SPECC1: variants seen among roughly 807,000 people sequenced by gnomAD.
SPECC1 encodes the protein cytospin-B.
In SPECC1, 62 loss-of-function variants were observed where a neutral mutation model predicts 104.1. The ratio of observed to expected loss-of-function variants is 0.60; its 90% CI spans 0.49 to 0.74. The LOEUF is 0.74. SPECC1 is among the 30% of genes least tolerant of loss of function. The probability of loss-of-function intolerance (pLI) is 0.00; values close to 1 mark genes in which losing one functional copy is unlikely to be tolerated. For synonymous variants in SPECC1, 513 were observed against 501.6 expected, an observed-to-expected ratio of 1.02 and a Z score of -0.30; for missense variants, 1,306 against 1,310.5, an observed-to-expected ratio of 1.00 and a Z score of 0.05.
intron 7 of SPECC1, among the ~76,000 whole-genome samples, chr17:20,236,418 C>T (rs540139709): frequency 6.6e-6 from 1 of 152,300 alleles, no homozygotes; most frequent in East Asian, 1.9e-4. Context: ...TGTTCTCTGA[C>T]CCCTGATTTT....
At chr17:20,087,546 C>T (rs1365804906) in intron 1 of SPECC1, among the ~76,000 whole-genome samples, 1 of 152,160 alleles carries the variant, frequency 6.6e-6, no homozygotes, top group Non-Finnish European at 1.5e-5. Context: ...GTGAGTGGCT[C>T]CTGCCTGCTG....
chr17:20,113,127 C>T, intron 3 of SPECC1: 1 of 642,502 alleles, frequency 1.6e-6, no homozygotes, highest in South Asian at 2.0e-5. Flanking sequence ...TATGCTTGTT[C>T]TCAGTGGTGC....
chr17:20,287,423 CAAAAAAAA>C (rs61713120), intron 12 of SPECC1, among the ~76,000 whole-genome samples: 9 of 98,054 alleles, frequency 9.2e-5, no homozygotes, highest in Non-Finnish European at 1.0e-4. Flanking sequence ...GACTCCGTCT[CAAAAAAAA>C]AAAAAAAAAA....
chr17:20,020,790 C>T (rs2044344957), intron 1 of SPECC1, among the ~76,000 whole-genome samples: 1 of 152,190 alleles, frequency 6.6e-6, no homozygotes, highest in Non-Finnish European at 1.5e-5. Context: ...ATCCCACTCT[C>T]ATTCTCTTCT....
intron 12 of SPECC1, among the ~76,000 whole-genome samples, chr17:20,287,653 G>A (rs1424243027): frequency 1.3e-5 from 2 of 151,992 alleles, no homozygotes; most frequent in Non-Finnish European, 2.9e-5. Context: ...AGCCACTTTT[G>A]TTGTAAGCAC....
At chr17:20,129,302 A>G (rs56034568) in intron 3 of SPECC1, among the ~76,000 whole-genome samples, 8,723 of 151,372 alleles carry the variant, frequency 0.058, 316 homozygotes, top group Non-Finnish European at 0.08. Context: ...CTCCTGCCTC[A>G]GCCTCCCGAG....
intron 7 of SPECC1, among the ~76,000 whole-genome samples, chr17:20,241,387 C>T (rs2039194743): frequency 6.6e-6 from 1 of 152,160 alleles, no homozygotes; most frequent in African/African-American, 2.4e-5. Context: ...TCTTCTTGTT[C>T]CTGATCCTTT....
chr17:20,115,340 G>A (rs113962434), intron 3 of SPECC1, among the ~76,000 whole-genome samples: 2 of 152,148 alleles, frequency 1.3e-5, no homozygotes, highest in Non-Finnish European at 1.5e-5. Context: ...GGGCGCGGTG[G>A]CGGGTGCCTG....
At chr17:20,188,135 T>C (rs1374226090) in intron 3 of SPECC1, among the ~76,000 whole-genome samples, 1 of 152,242 alleles carries the variant, frequency 6.6e-6, no homozygotes, top group East Asian at 1.9e-4. Context: ...CTTTAGTAGA[T>C]GGCAACAGAA....
intron 1 of SPECC1, among the ~76,000 whole-genome samples, chr17:20,050,951 A>G (rs955508326): frequency 1.3e-5 from 2 of 152,186 alleles, no homozygotes; most frequent in African/African-American, 2.4e-5. Flanking sequence ...ATAGAAGCAT[A>G]TATTTGTTGT....
At chr17:20,057,800 T>G (rs528951389) in intron 1 of SPECC1, 3 of 152,196 alleles carry the variant, frequency 2.0e-5, no homozygotes, top group African/African-American at 7.2e-5. Context: ...TCCAAGTGTT[T>G]CTATTTAGTT....
intron 10 of SPECC1, among the ~76,000 whole-genome samples, chr17:20,256,696 TC>T (rs1555529712): frequency 1.3e-5 from 2 of 152,134 alleles, no homozygotes; most frequent in Non-Finnish European, 2.9e-5. Flanking sequence ...TGTCTCCTGT[TC>T]CGCACTTTTA....
intron 3 of SPECC1, among the ~76,000 whole-genome samples, chr17:20,150,370 C>G (rs2031892890): frequency 6.6e-6 from 1 of 151,496 alleles, no homozygotes; most frequent in Admixed American, 6.6e-5. Context: ...CTCAGCCTCC[C>G]AAGTAGCTGG....
intron 3 of SPECC1, among the ~76,000 whole-genome samples, chr17:20,185,555 C>T (rs1016393410): frequency 6.6e-6 from 1 of 152,208 alleles, no homozygotes; most frequent in Non-Finnish European, 1.5e-5. Flanking sequence ...TAGCCAAGCT[C>T]TTCCCAAATT....
chr17:20,197,375 C>G (rs2036103991), intron 3 of SPECC1, among the ~76,000 whole-genome samples: 1 of 152,114 alleles, frequency 6.6e-6, no homozygotes, highest in Non-Finnish European at 1.5e-5. Context: ...TTAAGACAGT[C>G]CATGGAGGAG....
chr17:20,191,993 G>C lies in SPECC1; in HGVS notation c.284-12340G>C, dbSNP rs529998384. Among the ~76,000 whole-genome samples the C allele has an allele frequency of 5.3e-4, 80 of 152,224 alleles. No homozygotes were observed. In the South Asian group the frequency reaches 0.014, roughly 27 times the overall value. ...ACTCTGTTGTGCAGGCTGGAGTGCA[G>C]TGGTGCAATTATGACTTACTGCAGC... On this transcript the variant is annotated intron_variant, in intron 3 of 14. Transcript: ENST00000395527.
At chr17:20,286,216 C>G (rs796416407) in intron 12 of SPECC1, among the ~76,000 whole-genome samples, 2 of 152,298 alleles carry the variant, frequency 1.3e-5, no homozygotes, top group South Asian at 4.1e-4. Flanking sequence ...TCATGTTCCC[C>G]TGGTTACCAG....
intron 13 of SPECC1, among the ~76,000 whole-genome samples, chr17:20,298,944 A>AGTGTGTGTGTGT (rs1422097054): frequency 7.2e-5 from 3 of 41,492 alleles, no homozygotes; most frequent in African/African-American, 4.4e-4. Flanking sequence ...AGAGAGAGAG[A>AGTGTGTGTGTGT]GAGAGTGTGT....
At chr17:20,274,089 A>C (rs1241718774) in intron 12 of SPECC1, among the ~76,000 whole-genome samples, 1 of 152,100 alleles carries the variant, frequency 6.6e-6, no homozygotes, top group Non-Finnish European at 1.5e-5. Context: ...ACAAATACAC[A>C]CACCCTTTTG....
Sources: gnomAD v4.1 joint callset for allele counts (sites outside exome capture counted in the v4.1 genomes callset) on GRCh38, gnomAD v4.1.1 for gene constraint, MANE v1.5 for transcripts, NCBI Gene and HGNC (gene_info 2026-07-23, HGNC 2026-07-21) for gene names.